The following SMURF1 variants were observed in gnomAD, a reference collection of about 807,000 sequenced individuals.
SMURF1 encodes SMAD specific E3 ubiquitin protein ligase 1, also known as E3 ubiquitin-protein ligase SMURF1.
SMURF1 carries 44 observed loss-of-function variants against 98.0 expected under a neutral mutation model. The observed-to-expected ratio is 0.45, with a 90% CI of 0.35 to 0.58. SMURF1 has a LOEUF of 0.58. SMURF1 is among the 20% of genes least tolerant of loss of function. SMURF1 has a pLI of 0.00. For missense variants in SMURF1, 687 were observed against 938.4 expected (o/e 0.73, Z 3.50); for synonymous variants, 396 against 374.9 (o/e 1.06, Z -0.65).
At chr7:99,073,163 G>C (rs1055060207) in intron 1 of SMURF1, among the ~76,000 whole-genome samples, 1 of 151,728 alleles carries the variant, frequency 6.6e-6, no homozygotes, top group Non-Finnish European at 1.5e-5. Flanking sequence ...GGATCACAAG[G>C]TCAGGAGCTC....
intron 6 of SMURF1, among the ~76,000 whole-genome samples, chr7:99,053,516 G>C (rs1795810566): frequency 6.6e-6 from 1 of 152,180 alleles, no homozygotes; most frequent in African/African-American, 2.4e-5. Flanking sequence ...CACCTTGCAT[G>C]TGTAGCTATG....
chr7:99,091,517 G>A (rs1301874704), intron 1 of SMURF1, among the ~76,000 whole-genome samples: 1 of 152,174 alleles, frequency 6.6e-6, no homozygotes, highest in African/African-American at 2.4e-5. Flanking sequence ...ACAGTTAAGA[G>A]GGGAAAAGGG....
intron 1 of SMURF1, among the ~76,000 whole-genome samples, chr7:99,098,766 C>T (rs959505553): frequency 1.3e-5 from 2 of 152,118 alleles, no homozygotes; most frequent in Non-Finnish European, 2.9e-5. Flanking sequence ...TATTTCCATT[C>T]AGACACATGT....
rs1342091941 is a variant in SMURF1 at position 99,144,001 on chromosome 7, C to G, written c.-221G>C. 1.4e-5 allele frequency: 5 copies of G among 366,972 alleles called. No homozygotes were observed. The highest frequency in any genetic ancestry group is 4.4e-5 in the African/African-American group (2 of 45,828). The allele number at this position is 366,972 out of a possible 1,614,324, so 22.7% of individuals were successfully genotyped here. ...CGCTCTGACCCTCGCTGCTTCCAGC[C>G]GAGCCCAGTCCCGAGCCGCCGCCGC... On this transcript the variant is annotated 5_prime_UTR_variant, in exon 1 of 18. Coordinates refer to ENST00000361368, the MANE Select transcript of SMURF1 (RefSeq NM_181349.3).
At chr7:99,095,547 A>T (rs1469904450) in intron 1 of SMURF1, among the ~76,000 whole-genome samples, 1 of 152,132 alleles carries the variant, frequency 6.6e-6, no homozygotes, top group Admixed American at 6.5e-5. Context: ...TTCCCACAAG[A>T]CACTTATTAT....
chr7:99,076,994 A>T (rs944769824), intron 1 of SMURF1, among the ~76,000 whole-genome samples: 10 of 143,560 alleles, frequency 7.0e-5, no homozygotes, highest in African/African-American at 1.3e-4. Context: ...TGTCTATAAT[A>T]AAAAAAAAAA....
intron 2 of SMURF1, 71 bp from the exon 3 acceptor site, chr7:99,060,778 C>T (rs977632469): frequency 1.0e-5 from 10 of 970,764 alleles, no homozygotes; most frequent in African/African-American, 3.3e-5. Flanking sequence ...ACACACAATT[C>T]GTGTTCTCTA....
chr7:99,068,246 C>G (rs947665343), intron 1 of SMURF1, among the ~76,000 whole-genome samples: 1 of 152,184 alleles, frequency 6.6e-6, no homozygotes, highest in African/African-American at 2.4e-5. Context: ...TGTGCCCTCC[C>G]TGATGGAAGC....
At chr7:99,067,928 T>C (rs942604240) in intron 1 of SMURF1, among the ~76,000 whole-genome samples, 1 of 152,178 alleles carries the variant, frequency 6.6e-6, no homozygotes, top group Non-Finnish European at 1.5e-5. Context: ...CACTCCAGCC[T>C]GGGCGACAGA....
chr7:99,131,695 C>T (rs77317590), intron 1 of SMURF1, among the ~76,000 whole-genome samples: 5,147 of 151,968 alleles, frequency 0.034, 119 homozygotes, highest in Non-Finnish European at 0.052. Context: ...CCAGCCTGGG[C>T]GACAGAACAA....
chr7:99,040,466 A>G lies in SMURF1; in HGVS notation c.1462T>C (p.Phe488Leu). 6.3e-7 allele frequency: 1 copy of G among 1,592,252 alleles called. No individual in the cohort carries two copies. The highest frequency in any genetic ancestry group is 8.6e-7 in the Non-Finnish European group (1 of 1,169,170). ...GGCTTCCCCAGCAGCTGCTTGTAGAAGGGCACTGTGAAGCCCCCGTTGATG... is the reference window on the plus strand; with the variant it reads ...GGCTTCCCCAGCAGCTGCTTGTAGAGGGGCACTGTGAAGCCCCCGTTGATG... ...HYINGGFTVP[F>L]YKQLLGKPIQ... is the part of the protein sequence containing the mutation. Residue 488 changes from phenylalanine (F) to leucine (L), a missense_variant, in exon 13 of 18, where the codon TTC (phenylalanine) becomes CTC (leucine). Transcript: ENST00000361368.
chr7:99,035,683 T>C lies in SMURF1; in HGVS notation c.1843A>G (p.Asn615Asp). 1 of 1,614,152 alleles carries C rather than the reference T, an allele frequency of 6.2e-7. No individual in the cohort carries two copies. Among genetic ancestry groups the C allele is most frequent in the African/African-American group, 1.3e-5 (1 of 75,048 alleles). Residue 615 changes from asparagine (N) to aspartate (D), a missense_variant, in exon 16 of 18, where the codon AAC (asparagine) becomes GAC (aspartate). This residue lies in a region of SMURF1 where 272 missense variants were observed against 430.0 expected (regional missense o/e 0.63). Coordinates refer to ENST00000361368, the MANE Select transcript of SMURF1 (RefSeq NM_181349.3). ...AGCCGCGTGTTCGACTTCCAGTCGT[T>C]CAAGTCTATTTTATCCAGGCCGCCT... The part of the protein sequence containing the change: ...IIGGLDKIDL[N>D]DWKSNTRLKH...
chr7:99,103,005 T>C (rs1273484461), intron 1 of SMURF1, among the ~76,000 whole-genome samples: 2 of 151,900 alleles, frequency 1.3e-5, no homozygotes, highest in African/African-American at 4.8e-5. Context: ...GTTCTCACTA[T>C]GTTGCCCAGG....
intron 2 of SMURF1, 26 bp from the exon 3 acceptor site, chr7:99,060,733 T>C: frequency 1.3e-6 from 2 of 1,487,442 alleles, no homozygotes; most frequent in Non-Finnish European, 1.9e-6. Context: ...GACCCACACC[T>C]AGATGAGACC....
At chr7:99,035,944 A>G in intron 15 of SMURF1, 1 of 567,400 alleles carries the variant, frequency 1.8e-6, no homozygotes, top group South Asian at 2.0e-5. Context: ...ACCGCGGTGC[A>G]CAGCTGTTGA....
chr7:99,043,167 T>C (rs1795450316), intron 11 of SMURF1, among the ~76,000 whole-genome samples: 1 of 152,122 alleles, frequency 6.6e-6, no homozygotes, highest in Admixed American at 6.6e-5. Flanking sequence ...GACCGAGCCA[T>C]GGACAGCGTA....
chr7:99,062,096 A>G (rs959228838), intron 1 of SMURF1, among the ~76,000 whole-genome samples: 1 of 151,668 alleles, frequency 6.6e-6, no homozygotes, highest in African/African-American at 2.4e-5. Context: ...TGATCAATAT[A>G]CTTTTTTTTT....
chr7:99,110,830 C>T (rs1797301552), intron 1 of SMURF1, among the ~76,000 whole-genome samples: 1 of 152,196 alleles, frequency 6.6e-6, no homozygotes, highest in South Asian at 2.1e-4. Flanking sequence ...GATCCAGCAA[C>T]ACAGTACTGA....
At chr7:99,101,845 G>C (rs2150590975) in intron 1 of SMURF1, among the ~76,000 whole-genome samples, 1 of 151,496 alleles carries the variant, frequency 6.6e-6, no homozygotes, top group East Asian at 1.9e-4. Context: ...TGAGGCAGGA[G>C]AATCATTTGA....
Sources: gnomAD v4.1 joint callset for allele counts (sites outside exome capture counted in the v4.1 genomes callset) on GRCh38, gnomAD v4.1.1 for gene constraint, gnomAD v4.1.1 regional missense constraint, MANE v1.5 for transcripts, NCBI Gene and HGNC (gene_info 2026-07-23, HGNC 2026-07-21) for gene names.